MTBP: variants seen among roughly 807,000 people sequenced by gnomAD.
MTBP encodes the protein MDM2 binding protein.
A neutral mutation model predicts 117.0 loss-of-function variants in MTBP; 101 were observed. The ratio of observed to expected loss-of-function variants is 0.86; its 90% CI spans 0.73 to 1.02. The LOEUF is 1.02. Ranked by LOEUF, MTBP falls within the 50% of genes least tolerant of loss-of-function variation. MTBP has a pLI of 0.00. For synonymous variants in MTBP, 350 were observed against 351.5 expected, an observed-to-expected ratio of 1.00 and a Z score of 0.05; for missense variants, 970 against 1,030.9, an observed-to-expected ratio of 0.94 and a Z score of 0.81.
intron 15 of MTBP, among the ~76,000 whole-genome samples, chr8:120,506,437 A>C (rs1433200019): frequency 6.6e-6 from 1 of 152,170 alleles, no homozygotes; most frequent in Non-Finnish European, 1.5e-5. Flanking sequence ...TGTTTCTTTT[A>C]AGTAGTTAAA....
intron 11 of MTBP, among the ~76,000 whole-genome samples, chr8:120,480,691 A>G (rs1014887797): frequency 6.6e-6 from 1 of 152,102 alleles, no homozygotes; most frequent in Non-Finnish European, 1.5e-5. Flanking sequence ...AATTATGTAT[A>G]TATATTTATA....
At chr8:120,463,815 TA>T in intron 10 of MTBP, 54 bp downstream of exon 10, 1 of 1,481,056 alleles carries the variant, frequency 6.8e-7, no homozygotes, top group Non-Finnish European at 9.4e-7. Context: ...ACTTGCCATT[TA>T]AGGATGTGTA....
rs1815013593 is a variant in MTBP, at chr8:120,521,866, TGGA to T, written c.2611-784_2611-782del. 7.5e-5 allele frequency among the ~76,000 whole-genome samples: 3 copies of T among 40,052 alleles called. 1 individual carries two copies. The highest frequency in any genetic ancestry group is 3.9e-4 in the Non-Finnish European group (3 of 7,614). The allele number at this position is 40,052 out of a possible 152,430, so 26.3% of individuals were successfully genotyped here. ...ATGCAGCATTAGTGGATGCTCACGG[TGGA>T]GGATGGGAGAGTAATGCAGCATTAG... On this transcript the variant is annotated intron_variant, in intron 20 of 21. Coordinates refer to ENST00000305949, the MANE Select transcript of MTBP (RefSeq NM_022045.5).
chr8:120,523,474 A>C lies in MTBP; in HGVS notation c.*138A>C. On this transcript the variant is annotated 3_prime_UTR_variant, in exon 22 of 22. Transcript: ENST00000305949. ...TGTTATATTTCTAAAGAATTTCATGAATATATATTCTATATTTGTATAGTT... is the reference window on the plus strand; with the variant it reads ...TGTTATATTTCTAAAGAATTTCATGCATATATATTCTATATTTGTATAGTT... 1 of 464,736 alleles carries C rather than the reference A, an allele frequency of 2.2e-6. No individual in the cohort carries two copies. The highest frequency in any genetic ancestry group is 3.8e-6 in the Non-Finnish European group (1 of 263,372). 28.8% of individuals were successfully genotyped at this position (464,736 alleles called of 1,614,324 possible). A position where few individuals can be genotyped will look rare whatever the true frequency, so the allele number is the denominator to read the frequency against.
chr8:120,445,719 A>G, intron 1 of MTBP, 131 bp downstream of exon 1: 1 of 652,924 alleles, frequency 1.5e-6, no homozygotes, highest in Non-Finnish European at 2.5e-6. Flanking sequence ...TATCTGGGAT[A>G]GAGTTAATGA....
intron 15 of MTBP, among the ~76,000 whole-genome samples, chr8:120,504,359 A>G: frequency 6.6e-6 from 1 of 152,056 alleles, no homozygotes; most frequent in East Asian, 1.9e-4. Context: ...ACCTTATGCT[A>G]TTTGCAGTAT....
chr8:120,500,874 T>C (rs2130599580), intron 14 of MTBP, among the ~76,000 whole-genome samples: 1 of 151,820 alleles, frequency 6.6e-6, no homozygotes, highest in East Asian at 1.9e-4. Flanking sequence ...CTGGCCAACA[T>C]GGTGAACCCT....
chr8:120,489,431 G>A (rs1159123927), intron 12 of MTBP, among the ~76,000 whole-genome samples: 1 of 152,146 alleles, frequency 6.6e-6, no homozygotes, highest in Admixed American at 6.5e-5. Context: ...TCAGTGTCAC[G>A]TTTACGTTAC....
At chr8:120,474,496 ACT>A (rs764261376) in intron 11 of MTBP, among the ~76,000 whole-genome samples, 10 of 151,850 alleles carry the variant, frequency 6.6e-5, no homozygotes, top group Non-Finnish European at 1.3e-4. Flanking sequence ...TCACTATCAG[ACT>A]CTCAGATCAT....
chr8:120,490,122 A>T (rs994982528), intron 12 of MTBP, among the ~76,000 whole-genome samples: 1 of 152,136 alleles, frequency 6.6e-6, no homozygotes, highest in African/African-American at 2.4e-5. Flanking sequence ...GGTTCATTCA[A>T]TGGCTTTTGG....
intron 7 of MTBP, among the ~76,000 whole-genome samples, chr8:120,457,494 A>G (rs1217070305): frequency 6.6e-6 from 1 of 152,172 alleles, no homozygotes; most frequent in African/African-American, 2.4e-5. Flanking sequence ...ATAATGGTTT[A>G]ATAAAATCTC....
intron 15 of MTBP, 73 bp from the exon 16 acceptor site, chr8:120,506,628 CTTTTT>C: frequency 7.1e-6 from 7 of 986,740 alleles, no homozygotes; most frequent in Non-Finnish European, 9.5e-6. Context: ...CCCGACTGTG[CTTTTT>C]TTTTTTTTTG....
At chr8:120,493,456 GTGTGTGTGTGTA>G (rs1447153944) in intron 13 of MTBP, among the ~76,000 whole-genome samples, 1 of 151,624 alleles carries the variant, frequency 6.6e-6, no homozygotes, top group African/African-American at 2.4e-5. Flanking sequence ...TCAGATTTGA[GTGTGTGTGTGTA>G]TGTGTGTGTG....
At chr8:120,490,631 C>T in intron 13 of MTBP, 61 bp downstream of exon 13, 6 of 1,051,600 alleles carry the variant, frequency 5.7e-6, no homozygotes, top group Non-Finnish European at 8.4e-6. Flanking sequence ...TGGACATAAG[C>T]TACCTTTATT....
At chr8:120,516,273 C>A in intron 18 of MTBP, 82 bp downstream of exon 18, 1 of 1,216,410 alleles carries the variant, frequency 8.2e-7, no homozygotes, top group Non-Finnish European at 1.1e-6. Context: ...TTATATTAGT[C>A]TTTCAGGTTA....
At chr8:120,505,633 A>C (rs1302221093) in intron 15 of MTBP, among the ~76,000 whole-genome samples, 1 of 152,192 alleles carries the variant, frequency 6.6e-6, no homozygotes, top group African/African-American at 2.4e-5. Context: ...AATTTGAGTA[A>C]TAATCAGGAA....
intron 11 of MTBP, among the ~76,000 whole-genome samples, chr8:120,485,444 C>A (rs1016138124): frequency 6.6e-6 from 1 of 152,068 alleles, no homozygotes; most frequent in African/African-American, 2.4e-5. Context: ...GTTTATTGTA[C>A]TTTTCCACTC....
Position 120,497,444 on chromosome 8 carries a change from A to T in MTBP, c.1499A>T (p.Lys500Ile). ...QPETVSVAEL[K>I]SLLVLTRKHF... ...GAAACAGTTTCTGTTGCTGAACTCA[A>T]AAGTCTGTTAGTACTCACAAGGAAA... is the stretch of plus-strand genomic sequence containing the variant. The change falls in exon 14 of 22, where the codon AAA becomes ATA. Residue 500 changes from lysine (K) to isoleucine (I), a missense_variant. By Grantham distance (102) the Lys-to-Ile change is moderately radical (BLOSUM62 -3). Coordinates refer to ENST00000305949, the MANE Select transcript of MTBP (RefSeq NM_022045.5). 2 of 1,608,388 alleles carry T rather than the reference A, an allele frequency of 1.2e-6. No homozygotes were observed. The highest frequency in any genetic ancestry group is 1.7e-6 in the Non-Finnish European group (2 of 1,178,146).
chr8:120,474,378 T>A (rs1813889512), intron 11 of MTBP, among the ~76,000 whole-genome samples: 1 of 152,014 alleles, frequency 6.6e-6, no homozygotes, highest in South Asian at 2.1e-4. Context: ...TGATGGAACT[T>A]TTTTTTGTAA....
Sources: allele counts gnomAD v4.1 joint callset (sites outside exome capture counted in the v4.1 genomes callset), GRCh38; gene constraint gnomAD v4.1.1; transcripts MANE v1.5; gene names NCBI Gene and HGNC (gene_info 2026-07-23, HGNC 2026-07-21).